The following TPRG1 variants were observed in gnomAD, a reference collection of about 807,000 sequenced individuals.
TPRG1 encodes the protein tumor protein p63-regulated gene 1 protein.
Under a neutral mutation model 29.3 loss-of-function variants are expected in TPRG1, and 29 were observed. The ratio of observed to expected loss-of-function variants is 0.99; its 90% confidence interval spans 0.74 to 1.35. The LOEUF is 1.35. Among genes scored for constraint, TPRG1 ranks in the 40% most tolerant of loss-of-function variants. The probability of loss-of-function intolerance (pLI) is 0.00; values close to 1 mark genes in which losing one functional copy is unlikely to be tolerated. For missense variants in TPRG1, 327 were observed against 335.0 expected (o/e 0.98, Z 0.19); for synonymous variants, 130 against 116.8 (o/e 1.11, Z -0.73).
intron 1 of TPRG1, among the ~76,000 whole-genome samples, chr3:188,999,341 A>G (rs1197724852): frequency 1.3e-5 from 2 of 152,326 alleles, no homozygotes; most frequent in East Asian, 1.9e-4. Flanking sequence ...TGGTGTCTAA[A>G]TACTATTCAT....
intron 4 of TPRG1, among the ~76,000 whole-genome samples, chr3:189,149,229 C>T (rs932288355): frequency 1.3e-5 from 2 of 152,162 alleles, no homozygotes; most frequent in East Asian, 3.9e-4. Flanking sequence ...GGATAGAAAG[C>T]AGCCATCTCT....
chr3:189,073,598 C>T (rs1487821262), intron 4 of TPRG1, among the ~76,000 whole-genome samples: 1 of 151,850 alleles, frequency 6.6e-6, no homozygotes, highest in African/African-American at 2.4e-5. Flanking sequence ...TTCTCATGCT[C>T]GTTGATTTAA....
chr3:189,053,937 CTTTCTT>C (rs1715493899), intron 4 of TPRG1, among the ~76,000 whole-genome samples: 1 of 152,176 alleles, frequency 6.6e-6, no homozygotes, highest in Non-Finnish European at 1.5e-5. Flanking sequence ...GGCTGTTTTG[CTTTCTT>C]AACATTTGTG....
chr3:189,003,421 C>T (rs1019035275), intron 2 of TPRG1, among the ~76,000 whole-genome samples: 1 of 152,144 alleles, frequency 6.6e-6, no homozygotes, highest in Non-Finnish European at 1.5e-5. Flanking sequence ...GTTAAATCCT[C>T]TTAATTTGGA....
intron 4 of TPRG1, among the ~76,000 whole-genome samples, chr3:189,275,689 C>T (rs1716018699): frequency 6.6e-6 from 1 of 151,326 alleles, no homozygotes; most frequent in Admixed American, 6.6e-5. Context: ...ATAGGAGAGG[C>T]TTTGAATGCC....
chr3:189,262,343 A>C (rs919471747), intron 4 of TPRG1, among the ~76,000 whole-genome samples: 2 of 152,106 alleles, frequency 1.3e-5, no homozygotes, highest in Non-Finnish European at 2.9e-5. Flanking sequence ...GAAGAGGGAC[A>C]GATAGTAAGC....
At chr3:189,134,771 G>A (rs1723540551) in intron 3 of TPRG1, among the ~76,000 whole-genome samples, 5 of 152,048 alleles carry the variant, frequency 3.3e-5, no homozygotes, top group Non-Finnish European at 7.4e-5. Flanking sequence ...CACATGAAAG[G>A]TAAATAATTT....
At chr3:189,203,017 G>A (rs1733746816) in intron 1 of TPRG1, among the ~76,000 whole-genome samples, 1 of 152,178 alleles carries the variant, frequency 6.6e-6, no homozygotes, top group African/African-American at 2.4e-5. Context: ...ATTCTATGGA[G>A]CTGTGTGGCC....
chr3:189,302,082 T>C (rs1720926098), intron 4 of TPRG1, among the ~76,000 whole-genome samples: 1 of 152,208 alleles, frequency 6.6e-6, no homozygotes, highest in African/African-American at 2.4e-5. Context: ...TGGATCTTTG[T>C]TCTTATGATT....
chr3:189,280,307 A>AT, intron 4 of TPRG1, among the ~76,000 whole-genome samples: 1 of 82,196 alleles, frequency 1.2e-5, no homozygotes, highest in African/African-American at 1.1e-4. Context: ...AAATGAATGG[A>AT]ATAATATATA....
intron 4 of TPRG1, among the ~76,000 whole-genome samples, chr3:189,043,679 C>T (rs908813136): frequency 3.9e-5 from 6 of 152,068 alleles, no homozygotes; most frequent in Admixed American, 3.9e-4. Flanking sequence ...TTAGGCACTG[C>T]GATGGCACTG....
intron 4 of TPRG1, among the ~76,000 whole-genome samples, chr3:189,085,788 T>G (rs73890959): frequency 0.14 from 21,126 of 152,134 alleles, 2,542 homozygotes; most frequent in African/African-American, 0.33. Context: ...GTTACCGTTA[T>G]GAAATTAATT....
At chr3:189,194,277 G>T (rs547684606) in intron 1 of TPRG1, among the ~76,000 whole-genome samples, 1 of 152,114 alleles carries the variant, frequency 6.6e-6, no homozygotes, top group Non-Finnish European at 1.5e-5. Flanking sequence ...GGTATCAAGC[G>T]CTTTGGGGTT....
intron 4 of TPRG1, among the ~76,000 whole-genome samples, chr3:189,281,043 C>A (rs950551922): frequency 6.6e-5 from 10 of 152,104 alleles, no homozygotes; most frequent in Non-Finnish European, 1.3e-4. Context: ...CCAATTCAGG[C>A]CCAATAACTG....
chr3:189,221,624 A>G (rs918493806), intron 3 of TPRG1, among the ~76,000 whole-genome samples: 7 of 152,216 alleles, frequency 4.6e-5, no homozygotes, highest in Admixed American at 4.6e-4. Flanking sequence ...GCTCTATTAG[A>G]TCTTTAAATA....
chr3:189,052,591 G>A (rs1715395153), intron 4 of TPRG1, among the ~76,000 whole-genome samples: 1 of 152,148 alleles, frequency 6.6e-6, no homozygotes, highest in South Asian at 2.1e-4. Context: ...CCACTACTGG[G>A]TATCTACCAG....
chr3:189,263,657 C>T (rs755894314), intron 4 of TPRG1, among the ~76,000 whole-genome samples: 3 of 152,084 alleles, frequency 2.0e-5, no homozygotes, highest in Non-Finnish European at 2.9e-5. Flanking sequence ...AATAAAATTG[C>T]CCACTTATCT....
At chr3:189,129,662 A>G (rs1039910241) in intron 2 of TPRG1, among the ~76,000 whole-genome samples, 2 of 152,040 alleles carry the variant, frequency 1.3e-5, no homozygotes, top group African/African-American at 2.4e-5. Flanking sequence ...TTTTCTCTAT[A>G]TTTATTAACT....
chr3:189,031,627 A>G (rs1232089913), intron 4 of TPRG1, among the ~76,000 whole-genome samples: 1 of 152,224 alleles, frequency 6.6e-6, no homozygotes, highest in Admixed American at 6.5e-5. Context: ...CTGAGTGAAT[A>G]TCACATTCCA....
Sources: allele counts gnomAD v4.1 joint callset (sites outside exome capture counted in the v4.1 genomes callset), GRCh38; gene constraint gnomAD v4.1.1; transcripts MANE v1.5; gene names NCBI Gene and HGNC (gene_info 2026-07-23, HGNC 2026-07-21).